Variants in SPRING1 observed in about 807,000 individuals in gnomAD.
SPRING1 encodes the protein SREBF pathway regulator in golgi 1.
Under a neutral mutation model 24.7 loss-of-function variants are expected in SPRING1, and 14 were observed. The observed-to-expected ratio is 0.57, with a 90% CI of 0.37 to 0.88. The LOEUF (loss-of-function observed/expected upper bound fraction) is 0.88. SPRING1 is among the 40% of genes least tolerant of loss of function. The pLI is 0.00. For synonymous variants in SPRING1, 93 were observed against 106.1 expected, an observed-to-expected ratio of 0.88 and a Z score of 0.76; for missense variants, 255 against 268.4, an observed-to-expected ratio of 0.95 and a Z score of 0.35.
chr12:116,735,084 C>T (rs1871159378), intron 1 of SPRING1, among the ~76,000 whole-genome samples: 1 of 152,116 alleles, frequency 6.6e-6, no homozygotes, highest in Non-Finnish European at 1.5e-5. Context: ...ATTCAGGATA[C>T]ACTCTGGAGG....
chr12:116,717,705 T>C lies in SPRING1; in HGVS notation c.*105A>G, dbSNP rs1196185319. ...AAGCCAAGGTTTCCTCACGCTGCCT[T>C]TGTCTTCTTCCTGCAGCCTGGCCCG... On this transcript the variant is annotated 3_prime_UTR_variant, in exon 5 of 5. Coordinates refer to ENST00000261318, the MANE Select transcript of SPRING1 (RefSeq NM_024738.4). The surrounding 1 kb of genome is among the most constrained non-coding windows in gnomAD (Gnocchi z 4.2). 7 of 1,052,252 alleles carry C rather than the reference T, an allele frequency of 6.7e-6. No homozygotes were observed. Among genetic ancestry groups the C allele is most frequent in the Non-Finnish European group, 9.5e-6 (7 of 737,880 alleles). The allele number at this position is 1,052,252 out of a possible 1,614,324, so 65.2% of individuals were successfully genotyped here.
rs907680048 is a variant in SPRING1, at chr12:116,735,457, C to A, written c.111+2333G>T. On this transcript the variant is annotated intron_variant, in intron 1 of 4. Transcript: ENST00000261318. ...TAAAAATGGTTAAGATGGGGCCGGGCGTGGTGGCTGACACCTGTAATCCCA... is the reference window on the plus strand; with the variant it reads ...TAAAAATGGTTAAGATGGGGCCGGGAGTGGTGGCTGACACCTGTAATCCCA... 2.0e-5 allele frequency among the ~76,000 whole-genome samples: 3 copies of A among 152,164 alleles called. No individual in the cohort carries two copies. The East Asian group carries it at 5.8e-4, about 29-fold the overall frequency.
In SPRING1 at chr12:116,720,245, CAG is replaced by C; in HGVS notation, c.420+49_420+50del. Reference sequence around the variant, plus strand: ...GAAGAGCCTAATGCTCATCATAAAACAGAGGCCGAAAGAAAAAAGGAGCCGCA... The same window carrying C: ...GAAGAGCCTAATGCTCATCATAAAACAGGCCGAAAGAAAAAAGGAGCCGCA... On this transcript the variant is annotated intron_variant, in intron 3 of 4. Coordinates refer to ENST00000261318, the MANE Select transcript of SPRING1 (RefSeq NM_024738.4). This position sits in a 1 kb window ranked among gnomAD's most constrained non-coding sequence, Gnocchi z 4.0. 6.5e-7 allele frequency: 1 copy of C among 1,549,806 alleles called. No individual in the cohort carries two copies. Among genetic ancestry groups the C allele is most frequent in the Non-Finnish European group, 8.7e-7 (1 of 1,153,758 alleles).
Position 116,720,777 on chromosome 12 carries a change from C to T in SPRING1, c.269-330G>A, listed in dbSNP as rs949310510. On this transcript the variant is annotated intron_variant, in intron 2 of 4. Coordinates refer to ENST00000261318, the MANE Select transcript of SPRING1 (RefSeq NM_024738.4). This position sits in a 1 kb window ranked among gnomAD's most constrained non-coding sequence, Gnocchi z 4.0. ...TCCTATTCTAACCTATGCAAGCCAA[C>T]GTCTCATCTGTGCTTGAAGAAAAAT... is the stretch of plus-strand genomic sequence containing the variant. Among the ~76,000 whole-genome samples the T allele has an allele frequency of 2.0e-5, 3 of 152,108 alleles. No individual in the cohort carries two copies. The highest frequency in any genetic ancestry group is 2.9e-5 in the Non-Finnish European group (2 of 68,016).
At position 116,715,361 on chromosome 12, in the gene SPRING1, G is replaced by A. The variant is rs964691353; in HGVS notation, c.*2449C>T. The A allele has an allele frequency of 2.0e-5, 3 of 152,134 alleles. No individual in the cohort carries two copies. Among genetic ancestry groups the A allele is most frequent in the Non-Finnish European group, 4.4e-5 (3 of 68,066 alleles). 9.4% of individuals were successfully genotyped at this position (152,134 alleles called of 1,614,324 possible). ...AAGGTCCCTGATTCTAGAAACCCTC[G>A]GTCGAGGGAACCACAAACCAACCAG... On this transcript the variant is annotated 3_prime_UTR_variant, in exon 5 of 5. Coordinates refer to ENST00000261318, the MANE Select transcript of SPRING1 (RefSeq NM_024738.4).
intron 1 of SPRING1, among the ~76,000 whole-genome samples, chr12:116,735,766 G>A (rs1374181167): frequency 6.6e-6 from 1 of 151,688 alleles, no homozygotes; most frequent in South Asian, 2.1e-4. Context: ...CTGGCCAGGC[G>A]TGGTGGCTCA....
intron 1 of SPRING1, among the ~76,000 whole-genome samples, chr12:116,725,944 A>G (rs1394411276): frequency 6.6e-6 from 1 of 152,224 alleles, no homozygotes; most frequent in African/African-American, 2.4e-5. Flanking sequence ...TGTTTGAAAA[A>G]CACGATTACC....
At chr12:116,725,491 G>T (rs1462336156) in intron 1 of SPRING1, among the ~76,000 whole-genome samples, 1 of 152,052 alleles carries the variant, frequency 6.6e-6, no homozygotes, top group African/African-American at 2.4e-5. Context: ...TAATCATTTT[G>T]GGAATATTTT....
chr12:116,729,670 C>A (rs1344880686), intron 1 of SPRING1, among the ~76,000 whole-genome samples: 1 of 152,154 alleles, frequency 6.6e-6, no homozygotes, highest in South Asian at 2.1e-4. Context: ...CATGCTAGGA[C>A]ATGGATGAAC....
chr12:116,716,657 T>G lies in SPRING1; in HGVS notation c.*1153A>C, dbSNP rs553000329. ...CCAGCAACCTACACGTGTAGCATTC[T>G]CTAAGTCATAATGACCATTCTCATC... is the stretch of plus-strand genomic sequence containing the variant. On this transcript the variant is annotated 3_prime_UTR_variant, in exon 5 of 5. Transcript: ENST00000261318. 6.6e-6 allele frequency: 1 copy of G among 152,660 alleles called. No homozygotes were observed. Among genetic ancestry groups the G allele is most frequent in the Non-Finnish European group, 1.5e-5 (1 of 68,028 alleles). 9.5% of individuals were successfully genotyped at this position (152,660 alleles called of 1,614,324 possible). A position where few individuals can be genotyped will look rare whatever the true frequency, so the allele number is the denominator to read the frequency against.
At chr12:116,734,612 A>G (rs756120) in intron 1 of SPRING1, among the ~76,000 whole-genome samples, 34,997 of 152,132 alleles carry the variant, frequency 0.23, 4,103 homozygotes, top group Middle Eastern at 0.27. Flanking sequence ...TAGGGGCTGG[A>G]GAGTCTATGA....
chr12:116,734,960 A>G (rs989976130), intron 1 of SPRING1, among the ~76,000 whole-genome samples: 94 of 152,298 alleles, frequency 6.2e-4, no homozygotes, highest in African/African-American at 2.2e-3. Flanking sequence ...GGGGAAGAGA[A>G]GAAGACAAGA....
rs763305705 is a variant in SPRING1, at chr12:116,737,872, C to T, written c.29G>A (p.Arg10His). 2 of 1,575,054 alleles carry T rather than the reference C, an allele frequency of 1.3e-6. No homozygotes were observed. Among genetic ancestry groups the T allele is most frequent in the Non-Finnish European group, 1.7e-6 (2 of 1,162,092 alleles). Residue 10 changes from arginine to histidine, a missense_variant, in exon 1 of 5, where the codon CGC becomes CAC. By Grantham distance (29) the Arg-to-His change is conservative. Transcript: ENST00000261318. MVNLAAMVW[R>H]RLLRKRWVLA... ...CACCCACCTCTTCCGCAGAAGCCGG[C>T]GCCACACCATGGCCGCCAGGTTCAC...
At chr12:116,723,373 C>A in intron 1 of SPRING1, 150 bp from the exon 2 acceptor site, 1 of 930,738 alleles carries the variant, frequency 1.1e-6, no homozygotes, top group Admixed American at 2.9e-5. Flanking sequence ...CAAGCAAAGC[C>A]TGAGCCAAAG....
rs899416230 is a variant in SPRING1 at position 116,715,879 on chromosome 12, G to A, written c.*1931C>T. ...TGTGAAAGGACTGGAAATGTAAAAT[G>A]CGCTCTTCAAGTACAAAGGCAGAGA... On this transcript the variant is annotated 3_prime_UTR_variant, in exon 5 of 5. Transcript: ENST00000261318. 2.0e-5 allele frequency: 3 copies of A among 152,258 alleles called. No individual in the cohort carries two copies. The highest frequency in any genetic ancestry group is 6.5e-5 in the Admixed American group (1 of 15,288). The allele number at this position is 152,258 out of a possible 1,614,324, so 9.4% of individuals were successfully genotyped here. A position where few individuals can be genotyped will look rare whatever the true frequency, so the allele number is the denominator to read the frequency against.
chr12:116,731,926 C>T (rs1477131336), intron 1 of SPRING1, among the ~76,000 whole-genome samples: 3 of 152,186 alleles, frequency 2.0e-5, no homozygotes, highest in Non-Finnish European at 4.4e-5. Flanking sequence ...TCCACGGTCA[C>T]CACGGCTTCT....
chr12:116,735,994 T>C (rs2137048693), intron 1 of SPRING1, among the ~76,000 whole-genome samples: 1 of 130,974 alleles, frequency 7.6e-6, no homozygotes, highest in South Asian at 2.4e-4. Context: ...TGAGTTGAGG[T>C]CGTCCCACTG....
Position 116,717,729 on chromosome 12 carries a change from C to A in SPRING1, c.*81G>T. The A allele has an allele frequency of 7.9e-7, 1 of 1,267,726 alleles. No homozygotes were observed. The highest frequency in any genetic ancestry group is 2.6e-5 in the East Asian group (1 of 38,170). 78.5% of individuals were successfully genotyped at this position (1,267,726 alleles called of 1,614,324 possible). A position where few individuals can be genotyped will look rare whatever the true frequency, so the allele number is the denominator to read the frequency against. ...TTTGTCTTCTTCCTGCAGCCTGGCC[C>A]GATGGCTGAAGCTGGGTCCCAGGAG... On this transcript the variant is annotated 3_prime_UTR_variant, in exon 5 of 5. Coordinates refer to ENST00000261318, the MANE Select transcript of SPRING1 (RefSeq NM_024738.4). The surrounding 1 kb of genome is among the most constrained non-coding windows in gnomAD (Gnocchi z 4.2).
Position 116,717,947 on chromosome 12 carries a change from C to T in SPRING1, c.535-54G>A. 4.3e-6 allele frequency: 6 copies of T among 1,392,118 alleles called. No individual in the cohort carries two copies. Among genetic ancestry groups the T allele is most frequent in the Non-Finnish European group, 5.9e-6 (6 of 1,024,216 alleles). The allele number at this position is 1,392,118 out of a possible 1,614,324, so 86.2% of individuals were successfully genotyped here. On this transcript the variant is annotated intron_variant, in intron 4 of 4. Transcript: ENST00000261318. The surrounding 1 kb of genome is among the most constrained non-coding windows in gnomAD (Gnocchi z 4.2). ...GTGAGAGCGAGCACAGCTTCACACA[C>T]CTCCCTCTCGGAAGAGTGAGAGTGG...
Sources: gnomAD v4.1 joint callset for allele counts (sites outside exome capture counted in the v4.1 genomes callset) on GRCh38, gnomAD v4.1.1 for gene constraint, Gnocchi (gnomAD v3.1) non-coding constraint, MANE v1.5 for transcripts, NCBI Gene and HGNC (gene_info 2026-07-23, HGNC 2026-07-21) for gene names.